SMURF2: variants seen among roughly 807,000 people sequenced by gnomAD.
The protein encoded by SMURF2 is E3 ubiquitin-protein ligase SMURF2.
Under a neutral mutation model 109.6 loss-of-function variants are expected in SMURF2, and 48 were observed. The observed-to-expected ratio is 0.44, with a 90% CI of 0.35 to 0.56. The LOEUF (loss-of-function observed/expected upper bound fraction) is 0.56. SMURF2 is among the 20% of genes least tolerant of loss of function. The pLI, the probability that SMURF2 is intolerant of heterozygous loss-of-function variation, is 0.01. For synonymous variants in SMURF2, 288 were observed against 317.1 expected (o/e 0.91, Z 0.97); for missense variants, 575 against 909.0 (o/e 0.63, Z 4.72).
intron 1 of SMURF2, among the ~76,000 whole-genome samples, chr17:64,615,397 T>C (rs766227611): frequency 6.6e-6 from 1 of 152,242 alleles, no homozygotes; most frequent in Non-Finnish European, 1.5e-5. Flanking sequence ...TAAACTTATG[T>C]TATCATTGTA....
chr17:64,618,627 T>G (rs901921947), intron 1 of SMURF2, among the ~76,000 whole-genome samples: 24 of 152,316 alleles, frequency 1.6e-4, no homozygotes, highest in African/African-American at 5.8e-4. Context: ...CACTCATAAC[T>G]GATGGCTGTT....
In SMURF2 at chr17:64,561,639, A is replaced by AGGTC. The variant is rs782244392; in HGVS notation, c.1213-40_1213-37dup. The AGGTC allele has an allele frequency of 2.1e-6, 3 of 1,452,150 alleles. No homozygotes were observed. The South Asian group carries it at 3.5e-5, about 17-fold the overall frequency. 90.0% of individuals were successfully genotyped at this position (1,452,150 alleles called of 1,614,324 possible). A position where few individuals can be genotyped will look rare whatever the true frequency, so the allele number is the denominator to read the frequency against. ...TAATTTTTAATACCCTATTACTATT[A>AGGTC]GGTCCTTTTAGCCTATTACTTAATC... is the stretch of plus-strand genomic sequence containing the variant. On this transcript the variant is annotated intron_variant, in intron 11 of 18. Transcript: ENST00000262435.
At position 64,578,520 on chromosome 17, in the gene SMURF2, T is replaced by G. The variant is rs1555686264; in HGVS notation, c.829A>C (p.Ser277Arg). 6.2e-7 allele frequency: 1 copy of G among 1,613,882 alleles called. No individual in the cohort carries two copies. Among genetic ancestry groups the G allele is most frequent in the Admixed American group, 1.7e-5 (1 of 60,016 alleles). Residue 277 changes from serine to arginine, a missense_variant, in exon 9 of 19, where the codon AGC becomes CGC. By Grantham distance (110) the Ser-to-Arg change is moderately radical (BLOSUM62 -1). Transcript: ENST00000262435. ...VYFLHTQTGV[S>R]TWHDPRVPRD... is the part of the protein sequence containing the mutation. ...GGCACTCTTGGATCATGCCATGTGCTCACACCAGTCTGTGTATGTAAGAAA... is the reference window on the plus strand; with the variant it reads ...GGCACTCTTGGATCATGCCATGTGCGCACACCAGTCTGTGTATGTAAGAAA...
chr17:64,586,040 A>G (rs782693994), intron 6 of SMURF2, 46 bp downstream of exon 6: 6 of 1,262,968 alleles, frequency 4.8e-6, no homozygotes, highest in African/African-American at 3.0e-5. Context: ...TCTTTTAAGG[A>G]TATTATCTAT....
At chr17:64,612,579 C>A (rs1266577718) in intron 1 of SMURF2, among the ~76,000 whole-genome samples, 3 of 151,896 alleles carry the variant, frequency 2.0e-5, no homozygotes, top group Non-Finnish European at 4.4e-5. Flanking sequence ...GAGGCTGAGG[C>A]ATGAGAATCA....
At chr17:64,618,969 A>G (rs901859336) in intron 1 of SMURF2, among the ~76,000 whole-genome samples, 1 of 152,122 alleles carries the variant, frequency 6.6e-6, no homozygotes, top group Admixed American at 6.5e-5. Flanking sequence ...AAACTACTTA[A>G]CTTCTCTTTG....
chr17:64,555,233 C>G (rs1969101871), intron 14 of SMURF2, among the ~76,000 whole-genome samples: 1 of 152,170 alleles, frequency 6.6e-6, no homozygotes, highest in South Asian at 2.1e-4. Flanking sequence ...AAAGCTGGGC[C>G]TTGCTAGAAC....
chr17:64,549,849 TAA>T (rs2144586760), intron 16 of SMURF2, among the ~76,000 whole-genome samples: 1 of 152,216 alleles, frequency 6.6e-6, no homozygotes, highest in African/African-American at 2.4e-5. Flanking sequence ...CCCTACCAAA[TAA>T]AGTCTCCAGT....
chr17:64,637,885 A>G (rs1970438459), intron 1 of SMURF2, among the ~76,000 whole-genome samples: 1 of 146,572 alleles, frequency 6.8e-6, no homozygotes, highest in Non-Finnish European at 1.5e-5. Context: ...TTTTAAAAAG[A>G]CTAATCTTTC....
At chr17:64,652,869 T>C (rs1295624295) in intron 1 of SMURF2, among the ~76,000 whole-genome samples, 5 of 151,542 alleles carry the variant, frequency 3.3e-5, no homozygotes, top group African/African-American at 1.2e-4. Context: ...AGAATATCCA[T>C]ATGAAAAAAA....
chr17:64,631,821 G>A (rs185643372), intron 1 of SMURF2, among the ~76,000 whole-genome samples: 2 of 152,262 alleles, frequency 1.3e-5, no homozygotes, highest in African/African-American at 2.4e-5. Flanking sequence ...GCTTATGCAC[G>A]TTATATGGAT....
intron 1 of SMURF2, among the ~76,000 whole-genome samples, chr17:64,643,691 C>T (rs1035232486): frequency 6.6e-6 from 1 of 152,306 alleles, no homozygotes; most frequent in South Asian, 2.1e-4. Context: ...TTGTAAATAC[C>T]TGCTTCATTA....
At chr17:64,587,272 G>C (rs1220494660) in intron 5 of SMURF2, among the ~76,000 whole-genome samples, 2 of 152,198 alleles carry the variant, frequency 1.3e-5, no homozygotes, top group Non-Finnish European at 2.9e-5. Context: ...TGGATTGATG[G>C]AGTTTTAACA....
chr17:64,555,950 C>T lies in SMURF2; in HGVS notation c.1480G>A (p.Val494Met), dbSNP rs782497053. The T allele has an allele frequency of 6.2e-7, 1 of 1,613,416 alleles. No homozygotes were observed. The highest frequency in any genetic ancestry group is 2.2e-5 in the East Asian group (1 of 44,818). ...HFVGRIMGMA[V>M]FHGHYIDGGF... ...CCATCAATATAATGTCCATGAAACACAGCCATTCCCATTATTCGTCCAACA... is the reference window on the plus strand; with the variant it reads ...CCATCAATATAATGTCCATGAAACATAGCCATTCCCATTATTCGTCCAACA... The change falls in exon 14 of 19, where the codon GTG becomes ATG. Residue 494 changes from valine (V) to methionine (M), a missense_variant. Coordinates refer to ENST00000262435, the MANE Select transcript of SMURF2 (RefSeq NM_022739.4).
chr17:64,548,798 T>C (rs1555683373), intron 16 of SMURF2, among the ~76,000 whole-genome samples: 2 of 152,158 alleles, frequency 1.3e-5, no homozygotes, highest in Non-Finnish European at 2.9e-5. Context: ...ATGAACTATA[T>C]CCAAATCATT....
intron 1 of SMURF2, among the ~76,000 whole-genome samples, chr17:64,642,732 AAAG>A (rs1178731694): frequency 2.6e-5 from 4 of 152,204 alleles, no homozygotes; most frequent in African/African-American, 9.6e-5. Context: ...CTATAGCTAT[AAAG>A]AAGTTCACAG....
intron 1 of SMURF2, among the ~76,000 whole-genome samples, chr17:64,634,718 G>A (rs1970392292): frequency 6.6e-6 from 1 of 152,088 alleles, no homozygotes; most frequent in Non-Finnish European, 1.5e-5. Flanking sequence ...CTGTGAATGG[G>A]GCTTGGGGAC....
chr17:64,598,236 A>C, intron 3 of SMURF2, 146 bp downstream of exon 3: 1 of 553,658 alleles, frequency 1.8e-6, no homozygotes, highest in Non-Finnish European at 3.0e-6. Context: ...GCCAAAGCAC[A>C]TTCCCACTGG....
chr17:64,584,520 G>A (rs1475653252), intron 6 of SMURF2, among the ~76,000 whole-genome samples: 3 of 151,582 alleles, frequency 2.0e-5, no homozygotes, highest in Non-Finnish European at 2.9e-5. Context: ...CACCACGCCT[G>A]GCTACTTTTT....
Sources: allele counts gnomAD v4.1 joint callset (sites outside exome capture counted in the v4.1 genomes callset), GRCh38; gene constraint gnomAD v4.1.1; transcripts MANE v1.5; gene names NCBI Gene and HGNC (gene_info 2026-07-23, HGNC 2026-07-21).